The following ME2 variants were observed in gnomAD, a reference collection of about 807,000 sequenced individuals.
The protein encoded by ME2 is malic enzyme 2.
Under a neutral mutation model 73.7 loss-of-function variants are expected in ME2, and 60 were observed. That is an observed-to-expected ratio of 0.81 (90% CI 0.66 to 1.01). The LOEUF (loss-of-function observed/expected upper bound fraction) is 1.01, where lower values mean the gene tolerates loss of function less well. Among genes scored for constraint, ME2 ranks in the 50% least tolerant of loss-of-function variants. The pLI, the probability that ME2 is intolerant of heterozygous loss-of-function variation, is 0.00. For missense variants in ME2, 594 were observed against 705.5 expected, an observed-to-expected ratio of 0.84 and a Z score of 1.79; for synonymous variants, 199 against 236.9, an observed-to-expected ratio of 0.84 and a Z score of 1.47.
At position 50,939,559 on chromosome 18, in the gene ME2, A is replaced by T. The variant is rs1267170581; in HGVS notation, c.1418-11A>T. 1.3e-6 allele frequency: 2 copies of T among 1,597,294 alleles called. No individual in the cohort carries two copies. The highest frequency in any genetic ancestry group is 2.2e-5 in the South Asian group (2 of 90,252). On this transcript the variant is annotated splice_polypyrimidine_tract_variant and intron_variant, in intron 13 of 15. Transcript: ENST00000321341. Reference sequence around the variant, plus strand: ...AGTGACCATACTAGTAAACTTTAAAATGTGTTCTAGGTGTGGCTTTAGCTG... The same window carrying T: ...AGTGACCATACTAGTAAACTTTAAATTGTGTTCTAGGTGTGGCTTTAGCTG...
rs1033217513 is a variant in ME2 at position 50,947,410 on chromosome 18, A to G, written c.*226A>G. The G allele has an allele frequency of 2.5e-5, 13 of 518,176 alleles. No homozygotes were observed. Among genetic ancestry groups the G allele is most frequent in the Non-Finnish European group, 4.5e-5 (13 of 291,248 alleles). The allele number at this position is 518,176 out of a possible 1,614,324, so 32.1% of individuals were successfully genotyped here. Reference sequence around the variant, plus strand: ...CAGATAGTTGTGATGCTTTAATTCTAACATACAGCCCGTACCACATCCAGG... The same window carrying G: ...CAGATAGTTGTGATGCTTTAATTCTGACATACAGCCCGTACCACATCCAGG... On this transcript the variant is annotated 3_prime_UTR_variant, in exon 16 of 16. Transcript: ENST00000321341.
intron 1 of ME2, among the ~76,000 whole-genome samples, chr18:50,885,387 T>C (rs1916436775): frequency 6.6e-6 from 1 of 152,086 alleles, no homozygotes; most frequent in Non-Finnish European, 1.5e-5. Flanking sequence ...GCACAGTGGC[T>C]TGTACCTGTA....
At chr18:50,946,929 A>G (rs1020306797) in intron 15 of ME2, 88 bp from the exon 16 acceptor site, 1 of 945,728 alleles carries the variant, frequency 1.1e-6, no homozygotes, top group Admixed American at 2.4e-5. Flanking sequence ...CCATTCTTCT[A>G]AACTTATTTT....
chr18:50,917,641 T>C (rs1274464404), intron 6 of ME2, 133 bp downstream of exon 6: 1 of 501,310 alleles, frequency 2.0e-6, no homozygotes. Flanking sequence ...AACTCCACTT[T>C]TAATATTTAT....
chr18:50,919,444 C>T (rs1458967908), intron 7 of ME2, among the ~76,000 whole-genome samples: 3 of 152,070 alleles, frequency 2.0e-5, no homozygotes, highest in African/African-American at 2.4e-5. Flanking sequence ...CAGAAATTGC[C>T]ATCTCTCCTT....
chr18:50,907,232 A>C (rs2144215880), intron 2 of ME2, among the ~76,000 whole-genome samples: 1 of 152,300 alleles, frequency 6.6e-6, no homozygotes, highest in South Asian at 2.1e-4. Flanking sequence ...AAGAATCTCC[A>C]GCCCCTTCTT....
intron 2 of ME2, among the ~76,000 whole-genome samples, chr18:50,898,385 T>G (rs1364214864): frequency 1.3e-5 from 2 of 152,170 alleles, no homozygotes; most frequent in East Asian, 3.8e-4. Flanking sequence ...CACTATCTAG[T>G]TCCAGAACTT....
intron 12 of ME2, among the ~76,000 whole-genome samples, chr18:50,928,279 T>C (rs368418366): frequency 6.6e-6 from 1 of 151,122 alleles, no homozygotes; most frequent in Admixed American, 6.6e-5. Flanking sequence ...GAAGCGTCAC[T>C]GTGTTGCCCA....
intron 15 of ME2, among the ~76,000 whole-genome samples, chr18:50,941,056 G>GAGACC (rs1375758897): frequency 6.6e-6 from 1 of 151,718 alleles, no homozygotes; most frequent in Non-Finnish European, 1.5e-5. Context: ...TCAGGAGTTC[G>GAGACC]AGACCAGCCC....
At chr18:50,941,659 G>A (rs1917963774) in intron 15 of ME2, among the ~76,000 whole-genome samples, 1 of 146,004 alleles carries the variant, frequency 6.8e-6, no homozygotes, top group Non-Finnish European at 1.5e-5. Flanking sequence ...ACAGGCGTGA[G>A]CCACCACGCC....
At chr18:50,910,342 C>T (rs956241134) in intron 3 of ME2, among the ~76,000 whole-genome samples, 4 of 142,702 alleles carry the variant, frequency 2.8e-5, no homozygotes, top group African/African-American at 5.3e-5. Flanking sequence ...AGAAGACTGA[C>T]GCAGGAGGAT....
intron 15 of ME2, among the ~76,000 whole-genome samples, chr18:50,946,654 CCT>C (rs1245022469): frequency 6.6e-6 from 1 of 152,088 alleles, no homozygotes; most frequent in Non-Finnish European, 1.5e-5. Flanking sequence ...AGAGCAGAAA[CCT>C]CTCTCTCACC....
chr18:50,937,175 A>C (rs933113186), intron 13 of ME2, among the ~76,000 whole-genome samples: 9 of 152,048 alleles, frequency 5.9e-5, no homozygotes, highest in Non-Finnish European at 1.3e-4. Flanking sequence ...AAAAAAAAAA[A>C]CTAAAAGTAA....
intron 1 of ME2, among the ~76,000 whole-genome samples, chr18:50,893,140 A>C (rs1285583623): frequency 6.0e-5 from 9 of 151,194 alleles, no homozygotes; most frequent in African/African-American, 1.7e-4. Flanking sequence ...AAAAAAAAAA[A>C]AAAAAAAAAA....
At chr18:50,884,838 GTGTT>G (rs1188637275) in intron 1 of ME2, among the ~76,000 whole-genome samples, 2 of 32,580 alleles carry the variant, frequency 6.1e-5, no homozygotes, top group South Asian at 3.4e-3. Flanking sequence ...AAGTTTGTGT[GTGTT>G]TGTGTGTGTG....
rs1017911691 is a variant in ME2, at chr18:50,949,910, A to G, written c.*2726A>G. ...AGCTAAGAATACAGGAAGGACTATG[A>G]GCATTGAGGAAATCGGGGGAGGCCA... On this transcript the variant is annotated 3_prime_UTR_variant, in exon 16 of 16. Transcript: ENST00000321341. 2.0e-5 allele frequency: 3 copies of G among 152,266 alleles called. No individual in the cohort carries two copies. The highest frequency in any genetic ancestry group is 6.5e-5 in the Admixed American group (1 of 15,290). 9.4% of individuals were successfully genotyped at this position (152,266 alleles called of 1,614,324 possible).
intron 2 of ME2, among the ~76,000 whole-genome samples, chr18:50,897,704 T>C (rs1163398682): frequency 6.6e-6 from 1 of 151,340 alleles, no homozygotes; most frequent in Non-Finnish European, 1.5e-5. Context: ...CTACTAAAAA[T>C]ACATAATTAG....
rs1037232235 is a variant in ME2, at chr18:50,917,217, T to C, written c.469-130T>C. 2.2e-5 allele frequency: 15 copies of C among 678,044 alleles called. No individual in the cohort carries two copies. In the African/African-American group the frequency reaches 2.5e-4, roughly 11 times the overall value. 42.0% of individuals were successfully genotyped at this position (678,044 alleles called of 1,614,324 possible). A position where few individuals can be genotyped will look rare whatever the true frequency, so the allele number is the denominator to read the frequency against. On this transcript the variant is annotated intron_variant, in intron 5 of 15. Transcript: ENST00000321341. Reference sequence around the variant, plus strand: ...TGCTTTGTTGGTTTACATTGGAAATTAGCCAAGAAACAATTTTATTTTTAA... The same window carrying C: ...TGCTTTGTTGGTTTACATTGGAAATCAGCCAAGAAACAATTTTATTTTTAA...
intron 2 of ME2, among the ~76,000 whole-genome samples, chr18:50,905,710 TTA>T (rs1917002826): frequency 6.6e-6 from 1 of 152,206 alleles, no homozygotes; most frequent in South Asian, 2.1e-4. Flanking sequence ...GGTTGAGTTA[TTA>T]TCAATAGAAA....
Sources: gnomAD v4.1 joint callset for allele counts (sites outside exome capture counted in the v4.1 genomes callset) on GRCh38, gnomAD v4.1.1 for gene constraint, MANE v1.5 for transcripts, NCBI Gene and HGNC (gene_info 2026-07-23, HGNC 2026-07-21) for gene names.